Variants in ZNF280D observed in about 807,000 individuals in gnomAD.
ZNF280D encodes the protein zinc finger protein 280D, also known as suppressor of hairy wing homolog 4.
In ZNF280D, 39 loss-of-function variants were observed where a neutral mutation model predicts 94.7. The ratio of observed to expected loss-of-function variants is 0.41; its 90% CI spans 0.32 to 0.54. The LOEUF is 0.54. Among genes scored for constraint, ZNF280D ranks in the 20% least tolerant of loss-of-function variants. The probability of loss-of-function intolerance (pLI) is 0.22; values close to 1 mark genes in which losing one functional copy is unlikely to be tolerated. For missense variants in ZNF280D, 1,090 were observed against 1,149.3 expected, an observed-to-expected ratio of 0.95 and a Z score of 0.75; for synonymous variants, 398 against 377.6, an observed-to-expected ratio of 1.05 and a Z score of -0.63.
chr15:56,672,585 T>C (rs969266880), intron 13 of ZNF280D, among the ~76,000 whole-genome samples: 3 of 152,082 alleles, frequency 2.0e-5, no homozygotes, highest in Non-Finnish European at 4.4e-5. Flanking sequence ...TTTGCCAGTA[T>C]TTTGGTGAAG....
intron 19 of ZNF280D, among the ~76,000 whole-genome samples, chr15:56,646,140 T>C (rs2052878394): frequency 6.6e-6 from 1 of 152,156 alleles, no homozygotes; most frequent in African/African-American, 2.4e-5. Flanking sequence ...ACCTTCAACT[T>C]AGCCCAGGCG....
intron 13 of ZNF280D, among the ~76,000 whole-genome samples, chr15:56,670,989 C>T (rs145386994): frequency 2.7e-4 from 41 of 151,678 alleles, no homozygotes; most frequent in African/African-American, 8.4e-4. Flanking sequence ...TCTTTTGAGA[C>T]GTGTCCATAT....
At chr15:56,679,912 T>C (rs2055503529) in intron 10 of ZNF280D, among the ~76,000 whole-genome samples, 1 of 152,232 alleles carries the variant, frequency 6.6e-6, no homozygotes, top group Non-Finnish European at 1.5e-5. Flanking sequence ...ATCCTGGTCG[T>C]TGTTAAATAT....
intron 1 of ZNF280D, among the ~76,000 whole-genome samples, chr15:56,711,819 T>C (rs1441369431): frequency 6.6e-6 from 1 of 152,224 alleles, no homozygotes; most frequent in East Asian, 1.9e-4. Flanking sequence ...TTTGTAGTTG[T>C]GAGAACATCG....
At chr15:56,730,481 G>C (rs1327882174) in intron 1 of ZNF280D, 1 of 152,152 alleles carries the variant, frequency 6.6e-6, no homozygotes, top group Non-Finnish European at 1.5e-5. Context: ...CTGATTAATA[G>C]AACACTGGAA....
chr15:56,635,113 C>T (rs1465102432), intron 21 of ZNF280D, 82 bp downstream of exon 21: 6 of 785,976 alleles, frequency 7.6e-6, no homozygotes, highest in East Asian at 3.1e-5. Flanking sequence ...TAGTCCTTTG[C>T]CAGTTAACTG....
intron 9 of ZNF280D, among the ~76,000 whole-genome samples, chr15:56,685,886 T>C (rs948036379): frequency 2.0e-5 from 3 of 152,110 alleles, no homozygotes; most frequent in Admixed American, 2.0e-4. Context: ...CTAAACCCAC[T>C]ATTAAAAGAA....
chr15:56,707,553 T>C lies in ZNF280D; in HGVS notation c.-85-247A>G, dbSNP rs182434916. 3.7e-3 allele frequency among the ~76,000 whole-genome samples: 562 copies of C among 152,238 alleles called. 2 individuals are homozygous for C. Among genetic ancestry groups the C allele is most frequent in the Non-Finnish European group, 6.4e-3 (438 of 67,978 alleles). ...AATTACAAATAATTTTTTAAAGTAT[T>C]TAGTAAAAACGAGTAAACACCTTAC... is the stretch of plus-strand genomic sequence containing the variant. On this transcript the variant is annotated intron_variant, in intron 1 of 21. Transcript: ENST00000267807.
intron 17 of ZNF280D, 178 bp from the exon 18 acceptor site, chr15:56,654,681 C>A: frequency 1.6e-6 from 1 of 644,092 alleles, no homozygotes; most frequent in South Asian, 1.7e-5. Context: ...TAGCCATGTC[C>A]AAATTATGCT....
At chr15:56,694,059 G>C (rs2056583342) in intron 6 of ZNF280D, among the ~76,000 whole-genome samples, 1 of 152,036 alleles carries the variant, frequency 6.6e-6, no homozygotes, top group Non-Finnish European at 1.5e-5. Flanking sequence ...GAGGCCTCGG[G>C]ACTCAAAGGA....
intron 1 of ZNF280D, among the ~76,000 whole-genome samples, chr15:56,725,865 T>C (rs2058605288): frequency 6.6e-6 from 1 of 152,098 alleles, no homozygotes; most frequent in African/African-American, 2.4e-5. Flanking sequence ...GTGTAAGGCA[T>C]TGTGTTTACA....
At position 56,669,984 on chromosome 15, in the gene ZNF280D, TTATA is replaced by T. The variant is rs1566961299; in HGVS notation, c.1411-1031_1411-1028del. 1.2e-3 allele frequency among the ~76,000 whole-genome samples: 2 copies of T among 1,678 alleles called. 1 individual carries two copies. Among genetic ancestry groups the T allele is most frequent in the African/African-American group, 4.8e-3 (2 of 418 alleles). The allele number at this position is 1,678 out of a possible 152,430, so 1.1% of individuals were successfully genotyped here. On this transcript the variant is annotated intron_variant, in intron 13 of 21. Transcript: ENST00000267807. ...ATATTATATATATATAATATATATA[TTATA>T]TATATATATTATATATATATAATAT...
At chr15:56,659,456 GAGAC>G (rs1596381190) in intron 16 of ZNF280D, among the ~76,000 whole-genome samples, 2 of 151,922 alleles carry the variant, frequency 1.3e-5, no homozygotes, top group African/African-American at 4.8e-5. Flanking sequence ...TATTTTAAGA[GAGAC>G]AGACTACGTT....
At chr15:56,689,793 A>G (rs2056315928) in intron 7 of ZNF280D, among the ~76,000 whole-genome samples, 1 of 152,134 alleles carries the variant, frequency 6.6e-6, no homozygotes, top group Admixed American at 6.5e-5. Flanking sequence ...AAAAAAGTAT[A>G]CTATGAATAA....
rs12900993 is a variant in ZNF280D, at chr15:56,632,105, G to A, written c.2333C>T (p.Ala778Val). ...SNSESKQDKA[A>V]SSKEKNGCNA... ...ACATCCATTTTTTTCTTTTGAAGAA[G>A]CAGCTTTATCTTGTTTACTGAAAAA... Residue 778 changes from alanine (A) to valine (V), a missense_variant, in exon 22 of 22, where the codon GCT (alanine) becomes GTT (valine). Ala to Val is a moderately conservative substitution (Grantham distance 64, BLOSUM62 0). Around this residue, in one of 3 missense-constraint regions of ZNF280D, gnomAD observed 577 missense variants for 568.8 expected, o/e 1.01. Coordinates refer to ENST00000267807, the MANE Select transcript of ZNF280D (RefSeq NM_017661.4). The A allele has an allele frequency of 3.2e-6, 5 of 1,584,794 alleles. No individual in the cohort carries two copies. Among genetic ancestry groups the A allele is most frequent in the South Asian group, 1.2e-5 (1 of 85,558 alleles).
At position 56,666,389 on chromosome 15, in the gene ZNF280D, T is replaced by C; in HGVS notation, c.1994+6A>G. ...ATTGGCAATTTACACATTTAATTCA[T>C]CTTACCTCATCATATGATTTACATA... On this transcript the variant is annotated splice_donor_region_variant and intron_variant, in intron 16 of 21. Coordinates refer to ENST00000267807, the MANE Select transcript of ZNF280D (RefSeq NM_017661.4). The C allele has an allele frequency of 6.2e-7, 1 of 1,605,722 alleles. No homozygotes were observed.
chr15:56,706,733 G>A (rs2057425651), intron 3 of ZNF280D, among the ~76,000 whole-genome samples: 1 of 151,836 alleles, frequency 6.6e-6, no homozygotes, highest in Non-Finnish European at 1.5e-5. Context: ...ACAGGGCACT[G>A]TCATTGTTAA....
chr15:56,700,167 T>G (rs1201699162), intron 6 of ZNF280D: 1 of 977,760 alleles, frequency 1.0e-6, no homozygotes, highest in Admixed American at 6.2e-5. Context: ...TTCTTTCATG[T>G]CTAAAAAAGT....
At position 56,701,183 on chromosome 15, in the gene ZNF280D, T is replaced by C; in HGVS notation, c.231A>G (p.Ala77=). The C allele has an allele frequency of 6.3e-7, 1 of 1,593,632 alleles. No individual in the cohort carries two copies. Among genetic ancestry groups the C allele is most frequent in the South Asian group, 1.1e-5 (1 of 89,226 alleles). ...SSYSRGLKNG[A]LSRGITAAFK... is the part of the protein sequence containing the mutation. ...ATAATAATACTGTACCTCGACTGAG[T>C]GCACCATTCTTTAGTCCCCTTGAAT... is the stretch of plus-strand genomic sequence containing the variant. Residue 77 remains alanine, a synonymous_variant, in exon 5 of 22, where the codon GCA becomes GCG. Coordinates refer to ENST00000267807, the MANE Select transcript of ZNF280D (RefSeq NM_017661.4).
Sources: gnomAD v4.1 joint callset for allele counts (sites outside exome capture counted in the v4.1 genomes callset) on GRCh38, gnomAD v4.1.1 for gene constraint, gnomAD v4.1.1 regional missense constraint, MANE v1.5 for transcripts, NCBI Gene and HGNC (gene_info 2026-07-23, HGNC 2026-07-21) for gene names.